FGF6: variants seen among roughly 807,000 people sequenced by gnomAD.
FGF6 encodes the protein fibroblast growth factor 6.
Under a neutral mutation model 18.4 loss-of-function variants are expected in FGF6, and 14 were observed. That is an observed-to-expected ratio of 0.76 (90% CI 0.50 to 1.19). FGF6 has a LOEUF of 1.19. FGF6 is among the 50% of genes most tolerant of loss of function. FGF6 has a pLI of 0.00. For missense variants in FGF6, 266 were observed against 271.6 expected (o/e 0.98, Z 0.15); for synonymous variants, 125 against 116.7 (o/e 1.07, Z -0.46).
At chr12:4,438,796 A>G (rs1246793933) in intron 2 of FGF6, among the ~76,000 whole-genome samples, 3 of 149,926 alleles carry the variant, frequency 2.0e-5, no homozygotes, top group Non-Finnish European at 3.0e-5. Flanking sequence ...AACTAACTCA[A>G]TTATGGTAGA....
chr12:4,445,563 AG>A lies in FGF6; in HGVS notation c.7del (p.Leu3TrpfsTer26), dbSNP rs751406730. On this transcript the variant is annotated frameshift_variant, in exon 1 of 3. Transcript: ENST00000228837. LOFTEE classifies it high-confidence loss of function. The surrounding 1 kb of genome is among the most constrained non-coding windows in gnomAD (Gnocchi z 5.5). MA[L>X]GQKLFITMSR... ...CATAGTGATGAACAGTTTCTGTCCC[AG>A]GGCCATCCACCTTGCCTCTCAGGCA... 1.3e-6 allele frequency: 2 copies of A among 1,584,868 alleles called. No individual in the cohort carries two copies. The highest frequency in any genetic ancestry group is 1.1e-5 in the South Asian group (1 of 89,130).
chr12:4,440,481 C>G (rs925468305), intron 2 of FGF6, among the ~76,000 whole-genome samples: 2 of 152,208 alleles, frequency 1.3e-5, no homozygotes, highest in African/African-American at 4.8e-5. Context: ...AGGATGTGGG[C>G]AAGAAGGAAA....
At chr12:4,442,273 C>A (rs1865701081) in intron 2 of FGF6, among the ~76,000 whole-genome samples, 1 of 152,064 alleles carries the variant, frequency 6.6e-6, no homozygotes, top group Non-Finnish European at 1.5e-5. Flanking sequence ...GCCTCCTTTC[C>A]TTTTTGCTAT....
rs548134803 is a variant in FGF6 at position 4,445,544 on chromosome 12, G to C, written c.27C>G (p.Ile9Met). Residue 9 changes from isoleucine (I) to methionine (M), a missense_variant, in exon 1 of 3, where the codon ATC (isoleucine) becomes ATG (methionine). Physicochemically the swap from Ile to Met is conservative, Grantham distance 10. Transcript: ENST00000228837. The surrounding 1 kb of genome is among the most constrained non-coding windows in gnomAD (Gnocchi z 5.5). MALGQKLF[I>M]TMSRGAGRLQ... ...GACGTCCTGCTCCCCGGGACATAGT[G>C]ATGAACAGTTTCTGTCCCAGGGCCA... 1 of 1,603,244 alleles carries C rather than the reference G, an allele frequency of 6.2e-7. No individual in the cohort carries two copies. Among genetic ancestry groups the C allele is most frequent in the African/African-American group, 1.3e-5 (1 of 74,932 alleles).
chr12:4,443,319 C>T (rs1467218387), intron 2 of FGF6, among the ~76,000 whole-genome samples: 1 of 152,170 alleles, frequency 6.6e-6, no homozygotes, highest in Non-Finnish European at 1.5e-5. Context: ...TTTTTTGAGG[C>T]CTGCTCTGAG....
At chr12:4,441,159 T>G (rs983860820) in intron 2 of FGF6, among the ~76,000 whole-genome samples, 3 of 152,102 alleles carry the variant, frequency 2.0e-5, no homozygotes, top group African/African-American at 7.2e-5. Context: ...GTGGAGATCC[T>G]TGATATTTTG....
intron 1 of FGF6, among the ~76,000 whole-genome samples, chr12:4,444,704 G>C (rs1865736060): frequency 6.6e-6 from 1 of 152,168 alleles, no homozygotes; most frequent in South Asian, 2.1e-4. Context: ...TCCTTTCTTG[G>C]ATAGGAGACT....
chr12:4,436,451 C>A (rs1394756397), intron 2 of FGF6, among the ~76,000 whole-genome samples: 2 of 147,842 alleles, frequency 1.4e-5, no homozygotes, highest in African/African-American at 5.0e-5. Context: ...AAGACCTTGT[C>A]TCTACAAAAG....
intron 2 of FGF6, among the ~76,000 whole-genome samples, chr12:4,439,933 A>G (rs1865671191): frequency 6.6e-6 from 1 of 152,122 alleles, no homozygotes; most frequent in African/African-American, 2.4e-5. Flanking sequence ...TTTTTTCTGA[A>G]TGCTTCAGGC....
At position 4,445,653 on chromosome 12, in the gene FGF6, G is replaced by T; in HGVS notation, c.-83C>A. The T allele has an allele frequency of 1.7e-6, 2 of 1,155,940 alleles. No individual in the cohort carries two copies. The highest frequency in any genetic ancestry group is 2.4e-6 in the Non-Finnish European group (2 of 838,834). The allele number at this position is 1,155,940 out of a possible 1,614,324, so 71.6% of individuals were successfully genotyped here. On this transcript the variant is annotated 5_prime_UTR_variant, in exon 1 of 3. An upstream open reading frame in the 5' UTR gains an earlier in-frame stop. Transcript: ENST00000228837. The surrounding 1 kb of genome is among the most constrained non-coding windows in gnomAD (Gnocchi z 5.5). Reference sequence around the variant, plus strand: ...TTGTTTTTCTCCCTCCGGCATGGCGGCAGGGGCTTATTTTTGGAAGGCAGA... The same window carrying T: ...TTGTTTTTCTCCCTCCGGCATGGCGTCAGGGGCTTATTTTTGGAAGGCAGA...
At chr12:4,436,407 C>G (rs1286406193) in intron 2 of FGF6, among the ~76,000 whole-genome samples, 1 of 151,622 alleles carries the variant, frequency 6.6e-6, no homozygotes, top group Non-Finnish European at 1.5e-5. Context: ...ATCACTTGAG[C>G]CCAGGAGTTT....
chr12:4,442,300 C>A (rs889703152), intron 2 of FGF6, among the ~76,000 whole-genome samples: 2 of 152,046 alleles, frequency 1.3e-5, no homozygotes, highest in African/African-American at 4.8e-5. Context: ...TGCTCTTCCC[C>A]GCTTTGTGGC....
In FGF6 at chr12:4,445,208, C is replaced by G. The variant is rs17177144; in HGVS notation, c.346+17G>C. On this transcript the variant is annotated intron_variant, in intron 1 of 2. Coordinates refer to ENST00000228837, the MANE Select transcript of FGF6 (RefSeq NM_020996.3). This position sits in a 1 kb window ranked among gnomAD's most constrained non-coding sequence, Gnocchi z 5.5. ...CCAAACCCCCAAGCGTCCCGACTGGCTGCAGCTGGCACTCACTGTAGGGGT... is the reference window on the plus strand; with the variant it reads ...CCAAACCCCCAAGCGTCCCGACTGGGTGCAGCTGGCACTCACTGTAGGGGT... The G allele has an allele frequency of 4.5e-3, 7,126 of 1,593,194 alleles. 286 individuals are homozygous for G. The African/African-American group carries it at 0.085, about 19-fold the overall frequency.
At position 4,445,362 on chromosome 12, in the gene FGF6, G is replaced by T. The variant is rs1158215717; in HGVS notation, c.209C>A (p.Ala70Asp). ...RSRAGLAGEI[A>D]GVNWESGYLV... ...ATAGCCACTTTCCCAGTTCACCCCGGCAATCTCTCCAGCTAGCCCGGCGCG... is the reference window on the plus strand; with the variant it reads ...ATAGCCACTTTCCCAGTTCACCCCGTCAATCTCTCCAGCTAGCCCGGCGCG... Residue 70 changes from alanine (A) to aspartate (D), a missense_variant, in exon 1 of 3, where the codon GCC becomes GAC. By Grantham distance (126) the Ala-to-Asp change is moderately radical. Coordinates refer to ENST00000228837, the MANE Select transcript of FGF6 (RefSeq NM_020996.3). This position sits in a 1 kb window ranked among gnomAD's most constrained non-coding sequence, Gnocchi z 5.5. The T allele has an allele frequency of 6.2e-7, 1 of 1,613,872 alleles. No individual in the cohort carries two copies. Among genetic ancestry groups the T allele is most frequent in the Admixed American group, 1.7e-5 (1 of 60,024 alleles).
rs1477958095 is a variant in FGF6 at position 4,445,350 on chromosome 12, CA to C, written c.220del (p.Trp74GlyfsTer55). On this transcript the variant is annotated frameshift_variant, in exon 1 of 3. Transcript: ENST00000228837. LOFTEE classifies it high-confidence loss of function. The surrounding 1 kb of genome is among the most constrained non-coding windows in gnomAD (Gnocchi z 5.5). ...GATCCCCACCAAATAGCCACTTTCC[CA>C]GTTCACCCCGGCAATCTCTCCAGCT... ...GLAGEIAGVN[W>X]ESGYLVGIKR... The C allele has an allele frequency of 6.2e-7, 1 of 1,613,972 alleles. No homozygotes were observed. Among genetic ancestry groups the C allele is most frequent in the Non-Finnish European group, 8.5e-7 (1 of 1,180,050 alleles).
intron 2 of FGF6, among the ~76,000 whole-genome samples, chr12:4,440,868 C>G (rs1865682229): frequency 6.6e-6 from 1 of 152,202 alleles, no homozygotes; most frequent in East Asian, 1.9e-4. Context: ...AAGGCTGGTC[C>G]TCCCAGCCTT....
rs11611403 is a variant in FGF6 at position 4,445,247 on chromosome 12, C to T, written c.324G>A (p.Gly108=). The T allele has an allele frequency of 0.16, 257,187 of 1,611,562 alleles. 22,318 individuals are homozygous for T. Among genetic ancestry groups the T allele is most frequent in the African/African-American group, 0.29 (21,479 of 74,882 alleles). Reference sequence around the variant, plus strand: ...CACTGTAGGGGTTCTCCTCGTGGGTCCCGCTGATCCGGCCGTCGGGGAGCA... The same window carrying T: ...CACTGTAGGGGTTCTCCTCGTGGGTTCCGCTGATCCGGCCGTCGGGGAGCA... ...LQVLPDGRIS[G]THEENPYSLL... Residue 108 remains glycine, a synonymous_variant, in exon 1 of 3, where the codon GGG becomes GGA. Transcript: ENST00000228837. This position sits in a 1 kb window ranked among gnomAD's most constrained non-coding sequence, Gnocchi z 5.5.
At position 4,445,623 on chromosome 12, in the gene FGF6, C is replaced by A. The variant is rs1306044033; in HGVS notation, c.-53G>T. 9 of 1,411,814 alleles carry A rather than the reference C, an allele frequency of 6.4e-6. No homozygotes were observed. Among genetic ancestry groups the A allele is most frequent in the African/African-American group, 5.7e-5 (4 of 70,128 alleles). 87.5% of individuals were successfully genotyped at this position (1,411,814 alleles called of 1,614,324 possible). A position where few individuals can be genotyped will look rare whatever the true frequency, so the allele number is the denominator to read the frequency against. On this transcript the variant is annotated 5_prime_UTR_variant, in exon 1 of 3. Transcript: ENST00000228837. The surrounding 1 kb of genome is among the most constrained non-coding windows in gnomAD (Gnocchi z 5.5). Reference sequence around the variant, plus strand: ...GAATTAATGGCCCTAAAAATACCGCCCTTCTTGTTTTTCTCCCTCCGGCAT... The same window carrying A: ...GAATTAATGGCCCTAAAAATACCGCACTTCTTGTTTTTCTCCCTCCGGCAT...
intron 2 of FGF6, among the ~76,000 whole-genome samples, chr12:4,442,872 A>G (rs1591692854): frequency 6.6e-6 from 1 of 152,092 alleles, no homozygotes; most frequent in Admixed American, 6.5e-5. Flanking sequence ...TAGCCTGCTG[A>G]CCCCCAAGCC....
Sources: allele counts gnomAD v4.1 joint callset (sites outside exome capture counted in the v4.1 genomes callset), GRCh38; gene constraint gnomAD v4.1.1; non-coding constraint Gnocchi (gnomAD v3.1); transcripts MANE v1.5; gene names NCBI Gene and HGNC (gene_info 2026-07-23, HGNC 2026-07-21).